Variants in ERLIN1 observed in about 807,000 individuals in gnomAD.
ERLIN1 encodes the protein erlin-1.
Under a neutral mutation model 46.9 loss-of-function variants are expected in ERLIN1, and 24 were observed. The observed-to-expected ratio is 0.51, with a 90% CI of 0.37 to 0.72. The LOEUF (loss-of-function observed/expected upper bound fraction) is 0.72. ERLIN1 is among the 30% of genes least tolerant of loss of function. The probability of loss-of-function intolerance (pLI) is 0.00; values close to 1 mark genes in which losing one functional copy is unlikely to be tolerated. For synonymous variants in ERLIN1, 158 were observed against 143.2 expected, an observed-to-expected ratio of 1.10 and a Z score of -0.74; for missense variants, 293 against 417.9, an observed-to-expected ratio of 0.70 and a Z score of 2.61.
intron 6 of ERLIN1, among the ~76,000 whole-genome samples, chr10:100,168,028 C>T (rs183788678): frequency 1.9e-3 from 294 of 152,270 alleles, no homozygotes; most frequent in African/African-American, 6.9e-3. Flanking sequence ...AGGCTGTTTA[C>T]CAGACACTTT....
At chr10:100,173,140 C>A (rs1435149212) in intron 6 of ERLIN1, among the ~76,000 whole-genome samples, 1 of 152,192 alleles carries the variant, frequency 6.6e-6, no homozygotes, top group African/African-American at 2.4e-5. Flanking sequence ...CGAACACATA[C>A]AATCACAGTG....
chr10:100,186,018 ACCG>A lies in ERLIN1; in HGVS notation c.-395_-393del, dbSNP rs1430546298. The A allele has an allele frequency of 7.2e-6, 3 of 417,372 alleles. No individual in the cohort carries two copies. The highest frequency in any genetic ancestry group is 1.3e-5 in the Non-Finnish European group (3 of 237,828). 25.9% of individuals were successfully genotyped at this position (417,372 alleles called of 1,614,324 possible). A position where few individuals can be genotyped will look rare whatever the true frequency, so the allele number is the denominator to read the frequency against. On this transcript the variant is annotated 5_prime_UTR_variant, in exon 1 of 11. Transcript: ENST00000421367. ...TGCAGCCGACTCCCGCGCCGAGCCA[ACCG>A]CCGCCAACAGCCGGCCCCGCCCACT...
chr10:100,184,278 G>A (rs1278133562), intron 1 of ERLIN1, among the ~76,000 whole-genome samples: 1 of 152,096 alleles, frequency 6.6e-6, no homozygotes, highest in Non-Finnish European at 1.5e-5. Flanking sequence ...GAAAATTTCT[G>A]AGGCTTATAA....
At chr10:100,161,047 T>G (rs2134119054) in intron 8 of ERLIN1, among the ~76,000 whole-genome samples, 1 of 152,350 alleles carries the variant, frequency 6.6e-6, no homozygotes, top group South Asian at 2.1e-4. Context: ...ACAGCAAATG[T>G]CACTGGGACT....
chr10:100,182,332 A>G (rs1419755854), intron 2 of ERLIN1, among the ~76,000 whole-genome samples: 1 of 151,906 alleles, frequency 6.6e-6, no homozygotes, highest in African/African-American at 2.4e-5. Context: ...GCCGGGCCTT[A>G]GAGTCTTGAT....
At chr10:100,180,552 T>C (rs937020257) in intron 2 of ERLIN1, among the ~76,000 whole-genome samples, 4 of 152,204 alleles carry the variant, frequency 2.6e-5, no homozygotes, top group Non-Finnish European at 4.4e-5. Flanking sequence ...GAGGAACATC[T>C]TAAGCTCAAT....
At chr10:100,178,460 C>T (rs1337233902) in intron 3 of ERLIN1, among the ~76,000 whole-genome samples, 1 of 152,156 alleles carries the variant, frequency 6.6e-6, no homozygotes, top group African/African-American at 2.4e-5. Flanking sequence ...AGTGATTATA[C>T]CCTAGAAATA....
In ERLIN1 at chr10:100,175,944, C is replaced by A. The variant is rs1223013162; in HGVS notation, c.430+1G>T. The A allele has an allele frequency of 3.1e-6, 5 of 1,612,118 alleles. No individual in the cohort carries two copies. In the South Asian group the frequency reaches 5.5e-5, roughly 18 times the overall value. On this transcript the variant is annotated splice_donor_variant, in intron 5 of 10. Transcript: ENST00000421367. LOFTEE classifies it high-confidence loss of function. The stretch of plus-strand genomic sequence containing the variant: ...ACATACATAAGAATTAAGACACTTA[C>A]CAAACAATTCAATGTAAACTTCCTG...
rs1842776389 is a variant in ERLIN1, at chr10:100,151,004, A to G, written c.*1127T>C. ...CTCTGGGCCAGGTGGGAAGGAGACA[A>G]TGATGACCAAGGATGCTTTCTAGGT... On this transcript the variant is annotated 3_prime_UTR_variant, in exon 11 of 11. Transcript: ENST00000421367. 6.6e-6 allele frequency: 1 copy of G among 152,434 alleles called. No homozygotes were observed. The highest frequency in any genetic ancestry group is 2.4e-5 in the African/African-American group (1 of 41,446). 9.4% of individuals were successfully genotyped at this position (152,434 alleles called of 1,614,324 possible).
At chr10:100,154,181 C>T (rs1315028104) in intron 10 of ERLIN1, among the ~76,000 whole-genome samples, 1 of 152,196 alleles carries the variant, frequency 6.6e-6, no homozygotes. Context: ...TCTTAAATAG[C>T]CCCTGCTCAC....
intron 7 of ERLIN1, 23 bp downstream of exon 7, chr10:100,167,325 G>A (rs1274352092): frequency 1.3e-6 from 2 of 1,565,184 alleles, no homozygotes; most frequent in South Asian, 2.2e-5. Context: ...CAGAAATATT[G>A]GGATCCCATG....
Position 100,152,256 on chromosome 10 carries a change from C to G in ERLIN1, c.922G>C (p.Val308Leu). Residue 308 changes from valine to leucine, a missense_variant, in exon 11 of 11, where the codon GTG (valine) becomes CTG (leucine). By Grantham distance (32) the Val-to-Leu change is conservative. This residue lies in a region of ERLIN1 where 69 missense variants were observed against 74.5 expected (regional missense o/e 0.93). Transcript: ENST00000421367. ...YFGSNIPNMFVDSSCALKYSD... is the reference protein window; with the variant it reads ...YFGSNIPNMFLDSSCALKYSD... The stretch of plus-strand genomic sequence containing the variant: ...TATTTCAAAGCACATGAGGAGTCCA[C>G]GAACATGTTAGGGATGTTGCTGCCA... The G allele has an allele frequency of 6.2e-7, 1 of 1,611,432 alleles. No homozygotes were observed. The highest frequency in any genetic ancestry group is 8.5e-7 in the Non-Finnish European group (1 of 1,177,526).
At chr10:100,160,134 T>G (rs1843285630) in intron 8 of ERLIN1, among the ~76,000 whole-genome samples, 1 of 152,014 alleles carries the variant, frequency 6.6e-6, no homozygotes, top group Admixed American at 6.6e-5. Flanking sequence ...ATTTGAAATA[T>G]CAGATGAAAT....
At chr10:100,165,450 T>A (rs1030360525) in intron 7 of ERLIN1, among the ~76,000 whole-genome samples, 1 of 149,064 alleles carries the variant, frequency 6.7e-6, no homozygotes, top group Non-Finnish European at 1.5e-5. Context: ...GCAGTGGCAC[T>A]ATCTCGACTC....
At chr10:100,180,544 G>A (rs971244877) in intron 2 of ERLIN1, among the ~76,000 whole-genome samples, 2 of 152,192 alleles carry the variant, frequency 1.3e-5, no homozygotes, top group African/African-American at 4.8e-5. Context: ...ATGAGGCAGA[G>A]GAACATCTTA....
At chr10:100,153,186 C>G (rs1312584215) in intron 10 of ERLIN1, among the ~76,000 whole-genome samples, 3 of 152,168 alleles carry the variant, frequency 2.0e-5, no homozygotes, top group Non-Finnish European at 4.4e-5. Flanking sequence ...TGCCTTTCCC[C>G]AGAAGCTGGA....
At position 100,176,208 on chromosome 10, in the gene ERLIN1, A is replaced by ATG. The variant is rs915294963; in HGVS notation, c.305-139_305-138insCA. 1.5e-5 allele frequency: 10 copies of ATG among 646,198 alleles called. No individual in the cohort carries two copies. In the African/African-American group the frequency reaches 1.8e-4, roughly 12 times the overall value. 40.0% of individuals were successfully genotyped at this position (646,198 alleles called of 1,614,324 possible). Reference sequence around the variant, plus strand: ...CAAAATAGTGAAACCAAAAACCACAACTAACAAATCTTGATGTGTTGCTTG... The same window carrying ATG: ...CAAAATAGTGAAACCAAAAACCACAATGCTAACAAATCTTGATGTGTTGCTTG... On this transcript the variant is annotated intron_variant, in intron 4 of 10. Transcript: ENST00000421367.
At chr10:100,152,439 C>T in intron 10 of ERLIN1, 87 bp from the exon 11 acceptor site, 2 of 793,088 alleles carry the variant, frequency 2.5e-6, no homozygotes, top group Non-Finnish European at 4.5e-6. Context: ...ACCTATTGCT[C>T]TCCTGAGTAT....
At chr10:100,156,333 A>G in intron 8 of ERLIN1, 99 bp from the exon 9 acceptor site, 1 of 712,502 alleles carries the variant, frequency 1.4e-6, no homozygotes, top group South Asian at 1.6e-5. Context: ...TAATTACAGA[A>G]AGTTTTATGT....
Sources: allele counts gnomAD v4.1 joint callset (sites outside exome capture counted in the v4.1 genomes callset), GRCh38; gene constraint gnomAD v4.1.1; regional missense constraint gnomAD v4.1.1; transcripts MANE v1.5; gene names NCBI Gene and HGNC (gene_info 2026-07-23, HGNC 2026-07-21).